SNURF: variants seen among roughly 807,000 people sequenced by gnomAD.
SNURF encodes the protein SNRPN upstream open reading frame.
A neutral mutation model predicts 11.6 loss-of-function variants in SNURF; 6 were observed. The ratio of observed to expected loss-of-function variants is 0.52; its 90% CI spans 0.28 to 1.02. The LOEUF is 1.02. SNURF is among the 50% of genes least tolerant of loss of function. The probability of loss-of-function intolerance (pLI) is 0.09; values close to 1 mark genes in which losing one functional copy is unlikely to be tolerated. For synonymous variants in SNURF, 29 were observed against 31.6 expected (o/e 0.92, Z 0.27); for missense variants, 84 against 88.4 (o/e 0.95, Z 0.20).
At chr15:24,973,284 A>G (rs1456517875), downstream of SNURF, among the ~76,000 whole-genome samples, 1 of 152,242 alleles carries the variant, frequency 6.6e-6, no homozygotes, top group African/African-American at 2.4e-5. Context: ...ATATTGCCTA[A>G]GAGTATAGTA....
At chr15:24,974,787 G>C (rs567233711) in intron 3 of SNURF, 1 of 629,926 alleles carries the variant, frequency 1.6e-6, no homozygotes, top group South Asian at 1.9e-5. Context: ...TCAGGCTCCT[G>C]ACCTCTGGTG....
intron 1 of SNURF, among the ~76,000 whole-genome samples, chr15:24,956,144 A>T (rs1161535827): frequency 1.3e-5 from 2 of 152,116 alleles, no homozygotes; most frequent in East Asian, 3.9e-4. Context: ...GACTGGAATG[A>T]TGTGCAGAAC....
downstream of SNURF, among the ~76,000 whole-genome samples, chr15:24,969,538 T>A (rs1269801752): frequency 6.6e-6 from 1 of 152,222 alleles, no homozygotes; most frequent in Non-Finnish European, 1.5e-5. Flanking sequence ...TGGAATCTAA[T>A]CATTGTCCAA....
At chr15:24,967,658 A>T (rs995459707) in intron 2 of SNURF, among the ~76,000 whole-genome samples, 2 of 140,508 alleles carry the variant, frequency 1.4e-5, no homozygotes, top group African/African-American at 5.3e-5. Flanking sequence ...AAAAAAAAAA[A>T]TTAGCTGGGT....
At chr15:24,959,255 G>A (rs1297816022) in intron 1 of SNURF, among the ~76,000 whole-genome samples, 1 of 152,128 alleles carries the variant, frequency 6.6e-6, no homozygotes, top group Non-Finnish European at 1.5e-5. Flanking sequence ...ATAAATGCAT[G>A]TGTGTGTGTA....
intron 3 of SNURF, chr15:24,974,271 G>A (rs1457140570): frequency 1.6e-6 from 1 of 609,016 alleles, no homozygotes; most frequent in African/African-American, 1.9e-5. Flanking sequence ...TTTAAAACAT[G>A]GTAGATTGCA....
chr15:24,957,571 T>C (rs2063132484), intron 1 of SNURF, among the ~76,000 whole-genome samples: 1 of 152,236 alleles, frequency 6.6e-6, no homozygotes. Flanking sequence ...TTTCTGTATT[T>C]ACATTTTCCC....
chr15:24,955,177 T>C, intron 1 of SNURF, 115 bp downstream of exon 1: 1 of 1,380,430 alleles, frequency 7.2e-7, no homozygotes. Flanking sequence ...ATTTGGGCCC[T>C]AAAGTCCTTT....
chr15:24,974,098 A>G (rs1444608151), intron 3 of SNURF, among the ~76,000 whole-genome samples: 1 of 152,222 alleles, frequency 6.6e-6, no homozygotes, highest in Non-Finnish European at 1.5e-5. Context: ...TAGGTAAAAT[A>G]AAATTCAATG....
At position 24,966,307 on chromosome 15, in the gene SNURF, T is replaced by G. The variant is rs150909146; in HGVS notation, c.111-1625T>G. Among the ~76,000 whole-genome samples, 6 of 152,280 alleles carry G rather than the reference T, an allele frequency of 3.9e-5. No individual in the cohort carries two copies. In the East Asian group the frequency reaches 1.2e-3, roughly 29 times the overall value. ...TAGTTTTTTTTATAAAGGATACAAA[T>G]GAACAGATGCATAGAGCAAAATCTG... On this transcript the variant is annotated intron_variant, in intron 2 of 2. Transcript: ENST00000577949.
At chr15:24,964,353 G>T (rs1400299970) in intron 2 of SNURF, among the ~76,000 whole-genome samples, 4 of 151,838 alleles carry the variant, frequency 2.6e-5, no homozygotes, top group African/African-American at 7.3e-5. Flanking sequence ...TTTTGCTCTT[G>T]TTGCCCAGGA....
chr15:24,969,310 G>T (rs1443243956), downstream of SNURF, among the ~76,000 whole-genome samples: 1 of 151,988 alleles, frequency 6.6e-6, no homozygotes, highest in African/African-American at 2.4e-5. Context: ...TGTATTTTTG[G>T]TAGAGACGGG....
intron 6 of SNURF, among the ~76,000 whole-genome samples, chr15:24,977,606 C>G (rs567993070): frequency 6.6e-6 from 1 of 152,186 alleles, no homozygotes; most frequent in East Asian, 1.9e-4. Context: ...CCATTACACT[C>G]CAGCCTGGGT....
At chr15:24,972,505 C>T (rs565940813), downstream of SNURF, among the ~76,000 whole-genome samples, 58 of 149,394 alleles carry the variant, frequency 3.9e-4, no homozygotes, top group South Asian at 6.2e-3. Flanking sequence ...ACATCAGATT[C>T]ATGGCCACTG....
downstream of SNURF, among the ~76,000 whole-genome samples, chr15:24,972,530 A>G (rs555066337): frequency 2.3e-4 from 34 of 147,544 alleles, no homozygotes; most frequent in South Asian, 6.6e-3. Context: ...ACAGCCAGGC[A>G]TTAGAGTATT....
intron 3 of SNURF, chr15:24,974,739 A>T: frequency 1.6e-6 from 1 of 607,690 alleles, no homozygotes; most frequent in East Asian, 2.7e-5. Flanking sequence ...CAGCCTCTTT[A>T]TTAGAAACAG....
chr15:24,967,635 C>CT (rs1402035581), intron 2 of SNURF, among the ~76,000 whole-genome samples: 1 of 135,300 alleles, frequency 7.4e-6, no homozygotes, highest in African/African-American at 2.8e-5. Context: ...GAGTGAGACT[C>CT]TGTCTTAAAA....
downstream of SNURF, among the ~76,000 whole-genome samples, chr15:24,973,653 G>T (rs1168585937): frequency 6.6e-6 from 1 of 152,148 alleles, no homozygotes; most frequent in East Asian, 1.9e-4. Flanking sequence ...ACCTGCCTTG[G>T]CCTCCCCTGG....
At chr15:24,977,042 C>A in intron 6 of SNURF, 1 of 1,549,384 alleles carries the variant, frequency 6.5e-7, no homozygotes, top group Non-Finnish European at 8.7e-7. Context: ...GAGGAACCAG[C>A]AGAGGGTTTT....
Sources: allele counts gnomAD v4.1 joint callset (sites outside exome capture counted in the v4.1 genomes callset), GRCh38; gene constraint gnomAD v4.1.1; transcripts MANE v1.5; gene names NCBI Gene and HGNC (gene_info 2026-07-23, HGNC 2026-07-21).